The following GYPE variants were observed in gnomAD, a reference collection of about 807,000 sequenced individuals.
The protein encoded by GYPE is glycophorin-E.
Under a neutral mutation model 11.6 loss-of-function variants are expected in GYPE, and 8 were observed. That is an observed-to-expected ratio of 0.69 (90% CI 0.41 to 1.25). The LOEUF is 1.25. GYPE is among the 50% of genes most tolerant of loss of function. The pLI is 0.01. For missense variants in GYPE, 90 were observed against 92.8 expected, an observed-to-expected ratio of 0.97 and a Z score of 0.12; for synonymous variants, 28 against 29.6, an observed-to-expected ratio of 0.94 and a Z score of 0.18.
intron 3 of GYPE, 127 bp from the exon 4 acceptor site, chr4:143,872,379 A>G (rs1259171423): frequency 1.3e-5 from 2 of 152,608 alleles, no homozygotes; most frequent in Admixed American, 1.3e-4. Flanking sequence ...TAGGAATAAG[A>G]AATAGGAAAA....
intron 1 of GYPE, among the ~76,000 whole-genome samples, chr4:143,883,424 T>C (rs1031098046): frequency 1.3e-5 from 2 of 150,862 alleles, no homozygotes; most frequent in Admixed American, 6.6e-5. Flanking sequence ...AAGAAATGGG[T>C]TTTCAGATTG....
At chr4:143,872,298 T>C (rs1345426356) in intron 3 of GYPE, 46 bp from the exon 4 acceptor site, 1 of 152,588 alleles carries the variant, frequency 6.6e-6, no homozygotes, top group African/African-American at 2.4e-5. Flanking sequence ...ACATATAAGA[T>C]TGATGTTTTG....
intron 1 of GYPE, among the ~76,000 whole-genome samples, chr4:143,892,555 A>G (rs1320628201): frequency 6.6e-6 from 1 of 151,454 alleles, no homozygotes; most frequent in Non-Finnish European, 1.5e-5. Flanking sequence ...TTCTGCCTTC[A>G]TTTCGTTATG....
intron 2 of GYPE, among the ~76,000 whole-genome samples, chr4:143,878,000 T>A (rs2149904881): frequency 6.7e-6 from 1 of 150,076 alleles, no homozygotes; most frequent in African/African-American, 2.4e-5. Flanking sequence ...GAACTTCACT[T>A]GTTTTATAAG....
chr4:143,877,039 A>G (rs1183365167), intron 2 of GYPE, among the ~76,000 whole-genome samples, 184 bp from the exon 3 acceptor site: 1 of 152,192 alleles, frequency 6.6e-6, no homozygotes, highest in African/African-American at 2.4e-5. Flanking sequence ...CTTGTGGGAA[A>G]CTGGGACTGT....
chr4:143,901,643 T>C (rs1744872721), intron 1 of GYPE, among the ~76,000 whole-genome samples: 1 of 151,254 alleles, frequency 6.6e-6, no homozygotes, highest in South Asian at 2.1e-4. Flanking sequence ...AGGATTGGGT[T>C]TTTTTTTTGA....
At chr4:143,897,635 T>C (rs1479486222) in intron 1 of GYPE, among the ~76,000 whole-genome samples, 1 of 152,220 alleles carries the variant, frequency 6.6e-6, no homozygotes, top group Non-Finnish European at 1.5e-5. Flanking sequence ...TACTTGATTA[T>C]GTTTTGAGCC....
In GYPE at chr4:143,876,842, A is replaced by C. The variant is rs1227833005; in HGVS notation, c.150T>G (p.Ile50Met). Reference protein sequence around the residue: ...ISSQTNGITLINWWAMARVIF... With the variant: ...ISSQTNGITLMNWWAMARVIF... ...TAACACGAGCCATCGCCCACCAATT[A>C]ATGAGTGTTATCCCTACAGGAGATA... The change falls in exon 3 of 4, where the codon ATT becomes ATG. Residue 50 changes from isoleucine to methionine, a missense_variant. Coordinates refer to ENST00000358615, the MANE Select transcript of GYPE (RefSeq NM_198682.3). The C allele has an allele frequency of 6.2e-7, 1 of 1,603,400 alleles. No individual in the cohort carries two copies. The highest frequency in any genetic ancestry group is 8.5e-7 in the Non-Finnish European group (1 of 1,171,006).
chr4:143,900,782 T>C (rs1194811219), intron 1 of GYPE, among the ~76,000 whole-genome samples: 1 of 152,084 alleles, frequency 6.6e-6, no homozygotes, highest in African/African-American at 2.4e-5. Context: ...CTAAAATGGG[T>C]AAATCTGTAG....
intron 2 of GYPE, 67 bp from the exon 3 acceptor site, chr4:143,876,922 AATAAG>A (rs1414317861): frequency 2.3e-6 from 2 of 855,242 alleles, no homozygotes; most frequent in African/African-American, 3.3e-5. Context: ...CCAATTGAAA[AATAAG>A]ATAACATCAG....
At chr4:143,904,210 T>C (rs1458283019) in intron 1 of GYPE, among the ~76,000 whole-genome samples, 1 of 152,034 alleles carries the variant, frequency 6.6e-6, no homozygotes, top group East Asian at 1.9e-4. Flanking sequence ...TAACTACTGA[T>C]AGCTACTGCT....
At chr4:143,885,682 T>C (rs1744202429) in intron 1 of GYPE, among the ~76,000 whole-genome samples, 1 of 150,000 alleles carries the variant, frequency 6.7e-6, no homozygotes, top group Non-Finnish European at 1.5e-5. Flanking sequence ...TGGGAATTTC[T>C]AACATTGAAG....
rs544097266 is a variant in GYPE at position 143,898,909 on chromosome 4, T to C, written c.37+6562A>G. Among the ~76,000 whole-genome samples, 1,297 of 150,566 alleles carry C rather than the reference T, an allele frequency of 8.6e-3. 21 individuals carry two copies. The highest frequency in any genetic ancestry group is 0.03 in the African/African-American group (1,231 of 40,958). On this transcript the variant is annotated intron_variant, in intron 1 of 3. Transcript: ENST00000358615. ...CTAGCAAAATGCAATTTCAGTGCCA[T>C]GATCTCTATTCTCAGTTGCCTCAAA...
intron 1 of GYPE, among the ~76,000 whole-genome samples, chr4:143,904,527 T>A (rs188985873): frequency 2.6e-3 from 395 of 152,258 alleles, no homozygotes; most frequent in African/African-American, 9.3e-3. Context: ...TATTGCACTA[T>A]TTTATCCTCC....
Position 143,905,494 on chromosome 4 carries a change from A to C in GYPE, c.14T>G (p.Ile5Arg), listed in dbSNP as rs764053185. The change falls in exon 1 of 4, where the codon ATA becomes AGA. Residue 5 changes from isoleucine (I) to arginine (R), a missense_variant. By Grantham distance (97) the Ile-to-Arg change is moderately conservative. Coordinates refer to ENST00000358615, the MANE Select transcript of GYPE (RefSeq NM_198682.3). ...ACCTGACAATAGTAATACAAAGATTATTTTTCCATACATCCTGAGATCACG... is the reference window on the plus strand; with the variant it reads ...ACCTGACAATAGTAATACAAAGATTCTTTTTCCATACATCCTGAGATCACG... MYGK[I>R]IFVLLLSGIV... 1 of 1,613,260 alleles carries C rather than the reference A, an allele frequency of 6.2e-7. No individual in the cohort carries two copies. Among genetic ancestry groups the C allele is most frequent in the Admixed American group, 1.7e-5 (1 of 59,944 alleles).
At chr4:143,889,088 G>C (rs1319720226) in intron 1 of GYPE, among the ~76,000 whole-genome samples, 1 of 137,368 alleles carries the variant, frequency 7.3e-6, no homozygotes, top group Admixed American at 7.6e-5. Flanking sequence ...TGCTTTGGCA[G>C]TCCCCATACA....
At chr4:143,872,796 C>T (rs897307374) in intron 3 of GYPE, among the ~76,000 whole-genome samples, 7 of 151,954 alleles carry the variant, frequency 4.6e-5, no homozygotes, top group Admixed American at 6.6e-5. Flanking sequence ...GAACAAAGTT[C>T]CTAAGAAAGA....
At chr4:143,889,498 G>A (rs1197981984) in intron 1 of GYPE, among the ~76,000 whole-genome samples, 1 of 152,104 alleles carries the variant, frequency 6.6e-6, no homozygotes, top group Non-Finnish European at 1.5e-5. Context: ...GATGAGAGTA[G>A]TGGAACAGAT....
intron 3 of GYPE, among the ~76,000 whole-genome samples, chr4:143,875,042 T>C (rs1331174226): frequency 1.3e-5 from 2 of 152,196 alleles, no homozygotes; most frequent in Non-Finnish European, 2.9e-5. Flanking sequence ...TAAACTTGTC[T>C]TTGCTTTTTA....
Sources: allele counts gnomAD v4.1 joint callset (sites outside exome capture counted in the v4.1 genomes callset), GRCh38; gene constraint gnomAD v4.1.1; transcripts MANE v1.5; gene names NCBI Gene and HGNC (gene_info 2026-07-23, HGNC 2026-07-21).